The following ADRA1D variants were observed in gnomAD, a reference collection of about 807,000 sequenced individuals.
The protein encoded by ADRA1D is adrenoceptor alpha 1D.
ADRA1D carries 22 observed loss-of-function variants against 18.6 expected under a neutral mutation model. The observed-to-expected ratio is 1.19, with a 90% CI of 0.85 to 1.69. ADRA1D has a LOEUF of 1.69. Among genes scored for constraint, ADRA1D ranks in the 40% most tolerant of loss-of-function variants. The probability of loss-of-function intolerance (pLI) is 0.00; values close to 1 mark genes in which losing one functional copy is unlikely to be tolerated. For missense variants in ADRA1D, 840 were observed against 840.7 expected, an observed-to-expected ratio of 1.00 and a Z score of 0.01; for synonymous variants, 376 against 388.2, an observed-to-expected ratio of 0.97 and a Z score of 0.37.
Position 4,220,787 on chromosome 20 carries a change from A to G in ADRA1D, c.*736T>C, listed in dbSNP as rs1176221639. On this transcript the variant is annotated 3_prime_UTR_variant, in exon 2 of 2. Coordinates refer to ENST00000379453, the MANE Select transcript of ADRA1D (RefSeq NM_000678.4). ...ACTCTTACCAATAAATATGTCTCAA[A>G]ATGACAAATAAAGCTCTCCAATTGG... The G allele has an allele frequency of 6.6e-6, 1 of 152,662 alleles. No homozygotes were observed. Among genetic ancestry groups the G allele is most frequent in the African/African-American group, 2.4e-5 (1 of 41,440 alleles). The allele number at this position is 152,662 out of a possible 1,614,324, so 9.5% of individuals were successfully genotyped here. A position where few individuals can be genotyped will look rare whatever the true frequency, so the allele number is the denominator to read the frequency against.
chr20:4,241,116 G>A (rs928710661), intron 1 of ADRA1D, among the ~76,000 whole-genome samples: 1 of 152,070 alleles, frequency 6.6e-6, no homozygotes, highest in African/African-American at 2.4e-5. Context: ...TTTAAATAGA[G>A]GGCTGTTATG....
intron 1 of ADRA1D, among the ~76,000 whole-genome samples, chr20:4,224,060 C>G (rs1370500426): frequency 3.3e-5 from 5 of 152,102 alleles, no homozygotes; most frequent in Non-Finnish European, 7.4e-5. Context: ...CAAGAAAATA[C>G]CAAGTTTGGG....
chr20:4,238,868 C>T (rs1263116281), intron 1 of ADRA1D, among the ~76,000 whole-genome samples: 28 of 152,020 alleles, frequency 1.8e-4, no homozygotes, highest in East Asian at 1.9e-4. Context: ...GAATTAAAGA[C>T]GGCAAGAGAG....
chr20:4,245,994 C>G (rs1809068949), intron 1 of ADRA1D, among the ~76,000 whole-genome samples: 1 of 152,114 alleles, frequency 6.6e-6, no homozygotes, highest in African/African-American at 2.4e-5. Flanking sequence ...CCACGATGGC[C>G]CTATAGATAG....
intron 1 of ADRA1D, among the ~76,000 whole-genome samples, chr20:4,233,566 CAAG>C (rs1264640621): frequency 6.6e-6 from 1 of 152,072 alleles, no homozygotes; most frequent in Non-Finnish European, 1.5e-5. Flanking sequence ...AAAAATCCTT[CAAG>C]AAGAACCCCT....
In ADRA1D at chr20:4,221,640, GGCGCACGCTGCCTCTGCGCGCTGC is replaced by G; in HGVS notation, c.1578_1601del (p.Ala529_Arg536del). 5 of 1,612,964 alleles carry G rather than the reference GGCGCACGCTGCCTCTGCGCGCTGC, an allele frequency of 3.1e-6. No homozygotes were observed. Among genetic ancestry groups the G allele is most frequent in the Non-Finnish European group, 3.4e-6 (4 of 1,179,570 alleles). On this transcript the variant is annotated inframe_deletion, in exon 2 of 2. Coordinates refer to ENST00000379453, the MANE Select transcript of ADRA1D (RefSeq NM_000678.4). ...ACACAGCCTCCACCTCTGAGCGCTG[GGCGCACGCTGCCTCTGCGCGCTGC>G]GCGCCCCCGGCGCGGATCTTGTGCG... is the stretch of plus-strand genomic sequence containing the variant.
At position 4,231,589 on chromosome 20, in the gene ADRA1D, G is replaced by A. The variant is rs573895987; in HGVS notation, c.1112-9459C>T. ...CCTCTAATGTGCAGAGGAAGGAAAA[G>A]GGAGCTGACGCTTTCCGAGTGTTCA... On this transcript the variant is annotated intron_variant, in intron 1 of 1. Transcript: ENST00000379453. 5.4e-4 allele frequency among the ~76,000 whole-genome samples: 82 copies of A among 152,308 alleles called. No homozygotes were observed. In the South Asian group the frequency reaches 0.016, roughly 30 times the overall value.
intron 1 of ADRA1D, among the ~76,000 whole-genome samples, chr20:4,223,272 A>G (rs1202496879): frequency 6.6e-6 from 1 of 152,210 alleles, no homozygotes; most frequent in Non-Finnish European, 1.5e-5. Context: ...CAAGTCACGC[A>G]TTTCCTGTAA....
At chr20:4,232,452 C>T (rs1303420632) in intron 1 of ADRA1D, among the ~76,000 whole-genome samples, 2 of 152,180 alleles carry the variant, frequency 1.3e-5, no homozygotes, top group African/African-American at 4.8e-5. Context: ...GCCTGTATGT[C>T]CTCAAGGGCG....
Position 4,221,900 on chromosome 20 carries a change from C to T in ADRA1D, c.1342G>A (p.Asp448Asn). ...GCGTCGCCCGAACTCGGGGCGCAGTCCTGGCGCAGGCCGCTGGTGGAGGCC... is the reference window on the plus strand; with the variant it reads ...GCGTCGCCCGAACTCGGGGCGCAGTTCTGGCGCAGGCCGCTGGTGGAGGCC... ...WRASTSGLRQ[D>N]CAPSSGDAPP... The change falls in exon 2 of 2, where the codon GAC (aspartate) becomes AAC (asparagine). Residue 448 changes from aspartate (D) to asparagine (N), a missense_variant. By Grantham distance (23) the Asp-to-Asn change is conservative (BLOSUM62 1). Transcript: ENST00000379453. The T allele has an allele frequency of 2.0e-6, 3 of 1,521,276 alleles. No individual in the cohort carries two copies. Among genetic ancestry groups the T allele is most frequent in the Non-Finnish European group, 2.6e-6 (3 of 1,137,618 alleles). The allele number at this position is 1,521,276 out of a possible 1,614,324, so 94.2% of individuals were successfully genotyped here.
At chr20:4,238,109 C>T (rs1017856088) in intron 1 of ADRA1D, among the ~76,000 whole-genome samples, 4 of 150,842 alleles carry the variant, frequency 2.7e-5, no homozygotes, top group South Asian at 4.3e-4. Context: ...AAAAATTAGC[C>T]GGGCGTGGTG....
chr20:4,235,086 G>A (rs901762385), intron 1 of ADRA1D, among the ~76,000 whole-genome samples: 1 of 152,242 alleles, frequency 6.6e-6, no homozygotes. Context: ...ACCAAGCCGA[G>A]CCTCTCACAT....
chr20:4,244,297 C>T (rs150602952), intron 1 of ADRA1D, among the ~76,000 whole-genome samples: 174 of 152,306 alleles, frequency 1.1e-3, no homozygotes, highest in African/African-American at 4.0e-3. Context: ...TCAATCTCTC[C>T]GTCTCTGGTG....
At chr20:4,237,459 G>GAA (rs35448645) in intron 1 of ADRA1D, among the ~76,000 whole-genome samples, 182 of 136,668 alleles carry the variant, frequency 1.3e-3, no homozygotes, top group Middle Eastern at 3.8e-3. Flanking sequence ...TCCATCTCTT[G>GAA]AAAAAAAAAA....
rs1448237880 is a variant in ADRA1D at position 4,222,008 on chromosome 20, C to G, written c.1234G>C (p.Ala412Pro). 1.3e-6 allele frequency: 2 copies of G among 1,595,752 alleles called. No homozygotes were observed. The highest frequency in any genetic ancestry group is 8.5e-7 in the Non-Finnish European group (1 of 1,171,136). ...TGGCAGCGCAGGAGACGGAGGAAGG[C>G]GCGCTTGAACTCGCGGCTGGAACAG... ...YPCSSREFKRAFLRLLRCQCR... is the reference protein window; with the variant it reads ...YPCSSREFKRPFLRLLRCQCR... The change falls in exon 2 of 2, where the codon GCC (alanine) becomes CCC (proline). Residue 412 changes from alanine to proline, a missense_variant. Physicochemically the swap from Ala to Pro is conservative, Grantham distance 27 (BLOSUM62 -1). Transcript: ENST00000379453. This position sits in a 1 kb window ranked among gnomAD's most constrained non-coding sequence, Gnocchi z 4.3.
At chr20:4,243,253 A>C (rs1232099158) in intron 1 of ADRA1D, among the ~76,000 whole-genome samples, 3 of 152,170 alleles carry the variant, frequency 2.0e-5, no homozygotes, top group South Asian at 4.2e-4. Flanking sequence ...CGCCGCAGCC[A>C]CGCCCCCTCT....
chr20:4,245,959 A>G (rs745498125), intron 1 of ADRA1D, among the ~76,000 whole-genome samples: 1 of 152,174 alleles, frequency 6.6e-6, no homozygotes, highest in African/African-American at 2.4e-5. Context: ...CCCTATATTG[A>G]GTATCCACTA....
Position 4,221,823 on chromosome 20 carries a change from T to G in ADRA1D, c.1419A>C (p.Glu473Asp). ...ALTALPDPDP[E>D]PPGTPEMQAP... is the part of the protein sequence containing the mutation. ...CCTGCATCTCGGGCGTGCCTGGGGG[T>G]TCGGGGTCGGGGTCGGGGAGCGCGG... Residue 473 changes from glutamate to aspartate, a missense_variant, in exon 2 of 2, where the codon GAA becomes GAC. By Grantham distance (45) the Glu-to-Asp change is conservative. Transcript: ENST00000379453. The G allele has an allele frequency of 3.3e-6, 5 of 1,526,586 alleles. No homozygotes were observed. The highest frequency in any genetic ancestry group is 4.4e-6 in the Non-Finnish European group (5 of 1,141,904). The allele number at this position is 1,526,586 out of a possible 1,614,324, so 94.6% of individuals were successfully genotyped here.
chr20:4,237,518 G>T (rs33947138), intron 1 of ADRA1D, among the ~76,000 whole-genome samples: 29,379 of 151,492 alleles, frequency 0.19, 3,771 homozygotes, highest in Non-Finnish European at 0.27. Flanking sequence ...GGCAGCCTCC[G>T]GTGACAGTGC....
Sources: gnomAD v4.1 joint callset for allele counts (sites outside exome capture counted in the v4.1 genomes callset) on GRCh38, gnomAD v4.1.1 for gene constraint, Gnocchi (gnomAD v3.1) non-coding constraint, MANE v1.5 for transcripts, NCBI Gene and HGNC (gene_info 2026-07-23, HGNC 2026-07-21) for gene names.